Variants in TRPM1 observed in about 807,000 individuals in gnomAD.
TRPM1 encodes the protein TRPM1-203 APA Isoform, Intron 10.
TRPM1 carries 113 observed loss-of-function variants against 149.4 expected under a neutral mutation model. That is an observed-to-expected ratio of 0.76 (90% CI 0.65 to 0.88). The LOEUF (loss-of-function observed/expected upper bound fraction) is 0.88, where lower values mean the gene tolerates loss of function less well. TRPM1 is among the 40% of genes least tolerant of loss of function. TRPM1 has a pLI of 0.00. For synonymous variants in TRPM1, 741 were observed against 759.5 expected (o/e 0.98, Z 0.40); for missense variants, 1,976 against 2,038.7 (o/e 0.97, Z 0.59).
intron 1 of TRPM1, among the ~76,000 whole-genome samples, chr15:31,129,988 A>G (rs1239504109): frequency 6.6e-6 from 1 of 152,188 alleles, no homozygotes; most frequent in East Asian, 1.9e-4. Flanking sequence ...CACTTCCTCC[A>G]TGTCCTGGGC....
chr15:31,041,481 C>A (rs1296519826), intron 17 of TRPM1, among the ~76,000 whole-genome samples: 1 of 152,140 alleles, frequency 6.6e-6, no homozygotes, highest in Non-Finnish European at 1.5e-5. Flanking sequence ...GCCTCACCTG[C>A]TGGTTTGATC....
chr15:31,038,255 A>T, intron 18 of TRPM1, 89 bp from the exon 19 acceptor site: 1 of 1,435,648 alleles, frequency 7.0e-7, no homozygotes, highest in Middle Eastern at 2.1e-4. Flanking sequence ...GACCTTCAAC[A>T]TTATTCAATA....
At position 31,071,994 on chromosome 15, in the gene TRPM1, T is replaced by C. The variant is rs1259815272; in HGVS notation, c.84-1768A>G. On this transcript the variant is annotated intron_variant, in intron 3 of 27. Transcript: ENST00000256552. ...AAAAAAAAAAACATATATATATATA[T>C]ATATATATATATATATATATATATA... 6.9e-3 allele frequency among the ~76,000 whole-genome samples: 462 copies of C among 66,712 alleles called. 18 individuals carry two copies. Among genetic ancestry groups the C allele is most frequent in the African/African-American group, 0.029 (407 of 14,086 alleles). The allele number at this position is 66,712 out of a possible 152,430, so 43.8% of individuals were successfully genotyped here. A position where few individuals can be genotyped will look rare whatever the true frequency, so the allele number is the denominator to read the frequency against.
intron 1 of TRPM1, among the ~76,000 whole-genome samples, chr15:31,135,377 A>G (rs2141046865): frequency 6.6e-6 from 1 of 152,350 alleles, no homozygotes; most frequent in South Asian, 2.1e-4. Flanking sequence ...ATCATGTTGA[A>G]CATGATAAAT....
Position 31,040,114 on chromosome 15 carries a change from G to T in TRPM1, c.2316+4C>A, listed in dbSNP as rs530699329. On this transcript the variant is annotated splice_donor_region_variant and intron_variant, in intron 18 of 27. Coordinates refer to ENST00000256552, the MANE Select transcript of TRPM1 (RefSeq NM_001252024.2). This position sits in a 1 kb window ranked among gnomAD's most constrained non-coding sequence, Gnocchi z 4.2. Reference sequence around the variant, plus strand: ...TGGCCCGCCTCGCAGCACGTTGCACGCACCTTCAGGCCGGGGTTCTTCCGC... The same window carrying T: ...TGGCCCGCCTCGCAGCACGTTGCACTCACCTTCAGGCCGGGGTTCTTCCGC... 5 of 1,613,892 alleles carry T rather than the reference G, an allele frequency of 3.1e-6. No homozygotes were observed. Among genetic ancestry groups the T allele is most frequent in the Non-Finnish European group, 4.2e-6 (5 of 1,179,760 alleles).
chr15:31,124,714 T>G (rs1403661815), intron 1 of TRPM1, among the ~76,000 whole-genome samples: 5 of 150,402 alleles, frequency 3.3e-5, no homozygotes, highest in African/African-American at 9.8e-5. Context: ...ATTCCAATTC[T>G]GGAAAGGGCG....
chr15:31,042,313 G>T, intron 16 of TRPM1, 70 bp from the exon 17 acceptor site: 1 of 1,508,038 alleles, frequency 6.6e-7, no homozygotes, highest in Non-Finnish European at 9.0e-7. Flanking sequence ...AGAACTCCTG[G>T]AGAAAGGGAA....
In TRPM1 at chr15:31,002,923, G is replaced by C. The variant is rs201195793; in HGVS notation, c.3777C>G (p.Ile1259Met). 7.9e-5 allele frequency: 126 copies of C among 1,604,482 alleles called. No individual in the cohort carries two copies. Among genetic ancestry groups the C allele is most frequent in the Non-Finnish European group, 1.0e-4 (120 of 1,174,104 alleles). The change falls in exon 28 of 28, where the codon ATC becomes ATG. Residue 1259 changes from isoleucine (I) to methionine (M), a missense_variant. Coordinates refer to ENST00000256552, the MANE Select transcript of TRPM1 (RefSeq NM_001252024.2). Reference sequence around the variant, plus strand: ...GTGCCTGGATCAGGTCAGACCTGTCGATTCCCGCAAGATTTTCAAGAGCAT... The same window carrying C: ...GTGCCTGGATCAGGTCAGACCTGTCCATTCCCGCAAGATTTTCAAGAGCAT... ...MVNALENLAG[I>M]DRSDLIQARS...
intron 1 of TRPM1, among the ~76,000 whole-genome samples, chr15:31,088,992 A>G (rs183554232): frequency 6.6e-6 from 1 of 152,192 alleles, no homozygotes; most frequent in Non-Finnish European, 1.5e-5. Flanking sequence ...GCTGATGGGC[A>G]GTTCTAGATT....
chr15:31,021,119 A>G (rs181768489), intron 27 of TRPM1, among the ~76,000 whole-genome samples: 2 of 152,282 alleles, frequency 1.3e-5, no homozygotes, highest in African/African-American at 4.8e-5. Context: ...TTATCCAAGC[A>G]ACCTTGAACC....
chr15:31,141,824 T>C (rs1279646782), intron 1 of TRPM1, among the ~76,000 whole-genome samples: 2 of 152,216 alleles, frequency 1.3e-5, no homozygotes, highest in African/African-American at 2.4e-5. Context: ...GGATATCAAA[T>C]TGAGTTCTAT....
In TRPM1 at chr15:31,063,201, A is replaced by G; in HGVS notation, c.882T>C (p.Pro294=). 6.2e-7 allele frequency: 1 copy of G among 1,614,162 alleles called. No individual in the cohort carries two copies. Among genetic ancestry groups the G allele is most frequent in the Non-Finnish European group, 8.5e-7 (1 of 1,180,026 alleles). ...SIVLEYLQEE[P]PIPVVICDGS... The stretch of plus-strand genomic sequence containing the variant: ...CATCACAAATCACCACAGGGATGGG[A>G]GGCTCTTCTTGCAGGTATTCCAAGA... The change falls in exon 8 of 28, where the codon CCT becomes CCC. Residue 294 remains proline, a synonymous_variant. Coordinates refer to ENST00000256552, the MANE Select transcript of TRPM1 (RefSeq NM_001252024.2).
intron 11 of TRPM1, among the ~76,000 whole-genome samples, chr15:31,055,286 A>T (rs1227176831): frequency 1.3e-5 from 2 of 152,178 alleles, no homozygotes; most frequent in African/African-American, 4.8e-5. Flanking sequence ...CTCCCCAGAT[A>T]CTATTTAAAT....
At chr15:31,083,789 C>G (rs2034925392) in intron 1 of TRPM1, among the ~76,000 whole-genome samples, 1 of 152,174 alleles carries the variant, frequency 6.6e-6, no homozygotes, top group African/African-American at 2.4e-5. Flanking sequence ...GCCTCCTGCC[C>G]CTAGCTGCAG....
intron 1 of TRPM1, among the ~76,000 whole-genome samples, 184 bp from the exon 2 acceptor site, chr15:31,081,622 C>T (rs1034143653): frequency 6.6e-6 from 1 of 152,094 alleles, no homozygotes; most frequent in African/African-American, 2.4e-5. Flanking sequence ...ACCTTCTCCC[C>T]CACCTCCTGC....
At chr15:31,033,849 A>G (rs1212310408) in intron 21 of TRPM1, among the ~76,000 whole-genome samples, 2 of 152,228 alleles carry the variant, frequency 1.3e-5, no homozygotes, top group African/African-American at 2.4e-5. Context: ...TACCAGTTGC[A>G]GCACCTGCAG....
chr15:31,124,908 T>TTATGC (rs1018517743), intron 1 of TRPM1, among the ~76,000 whole-genome samples: 33 of 152,132 alleles, frequency 2.2e-4, no homozygotes, highest in African/African-American at 6.8e-4. Flanking sequence ...GCGCAGTGGC[T>TTATGC]TATGCCTGTA....
At chr15:31,076,832 C>T in intron 3 of TRPM1, 73 bp downstream of exon 3, 1 of 1,237,526 alleles carries the variant, frequency 8.1e-7, no homozygotes, top group Non-Finnish European at 1.2e-6. Flanking sequence ...CTCTTTCTGC[C>T]TCTTACAAAC....
At chr15:31,093,863 A>G (rs2035306725) in intron 1 of TRPM1, among the ~76,000 whole-genome samples, 1 of 152,160 alleles carries the variant, frequency 6.6e-6, no homozygotes, top group African/African-American at 2.4e-5. Context: ...TCAGCCTCCC[A>G]AAGTGCTGGG....
Sources: gnomAD v4.1 joint callset for allele counts (sites outside exome capture counted in the v4.1 genomes callset) on GRCh38, gnomAD v4.1.1 for gene constraint, Gnocchi (gnomAD v3.1) non-coding constraint, MANE v1.5 for transcripts, NCBI Gene and HGNC (gene_info 2026-07-23, HGNC 2026-07-21) for gene names.